The following NR2F1-AS1 variants were observed in gnomAD, a reference collection of about 807,000 sequenced individuals.
NR2F1-AS1 encodes NR2F1 regulatory antisense RNA 1.
chr5:93,462,660 A>G (rs1395528824), intron 4 of NR2F1-AS1, among the ~76,000 whole-genome samples: 1 of 152,138 alleles, frequency 6.6e-6, no homozygotes, highest in Non-Finnish European at 1.5e-5. Flanking sequence ...CTCTGACAAA[A>G]ATGCTGATAA....
chr5:93,505,013 C>T (rs900929839), intron 4 of NR2F1-AS1, among the ~76,000 whole-genome samples: 42 of 152,144 alleles, frequency 2.8e-4, no homozygotes, highest in African/African-American at 9.9e-4. Context: ...CAGGCAAGTC[C>T]CTTCCGCCTA....
At chr5:93,502,549 T>C (rs954111141) in intron 4 of NR2F1-AS1, among the ~76,000 whole-genome samples, 1 of 151,336 alleles carries the variant, frequency 6.6e-6, no homozygotes. Context: ...CCCATGTAAG[T>C]AGTGAAGTTA....
chr5:93,483,862 T>C (rs1750655822), intron 4 of NR2F1-AS1, among the ~76,000 whole-genome samples: 1 of 151,868 alleles, frequency 6.6e-6, no homozygotes, highest in Admixed American at 6.6e-5. Flanking sequence ...AGATTGAAGA[T>C]CAACTCAATG....
intron 4 of NR2F1-AS1, among the ~76,000 whole-genome samples, chr5:93,439,367 C>T (rs1289438726): frequency 6.6e-6 from 1 of 152,182 alleles, no homozygotes; most frequent in African/African-American, 2.4e-5. Flanking sequence ...GATCTCGGCT[C>T]ACTGCAGGCT....
At chr5:93,584,441 G>C (rs956779153), upstream of NR2F1-AS1, 1 of 149,152 alleles carries the variant, frequency 6.7e-6, no homozygotes, top group Non-Finnish European at 1.5e-5. Flanking sequence ...CTGTGTGTGC[G>C]AGTGTGTGTG....
intron 4 of NR2F1-AS1, among the ~76,000 whole-genome samples, chr5:93,504,437 G>A (rs1751144937): frequency 6.6e-6 from 1 of 152,074 alleles, no homozygotes; most frequent in Non-Finnish European, 1.5e-5. Context: ...AAAGAAACAG[G>A]TAACCCCTAT....
intron 4 of NR2F1-AS1, among the ~76,000 whole-genome samples, chr5:93,521,078 A>ATC (rs1388497293): frequency 1.3e-5 from 2 of 152,224 alleles, no homozygotes; most frequent in African/African-American, 4.8e-5. Flanking sequence ...ACCTATGACC[A>ATC]TCTGATATTC....
chr5:93,461,248 C>T (rs1395271716), intron 4 of NR2F1-AS1, among the ~76,000 whole-genome samples: 1 of 152,116 alleles, frequency 6.6e-6, no homozygotes, highest in Non-Finnish European at 1.5e-5. Flanking sequence ...ATCCAAATAC[C>T]ACATGTTCTC....
At chr5:93,460,471 A>G (rs754953069) in intron 4 of NR2F1-AS1, among the ~76,000 whole-genome samples, 5 of 152,322 alleles carry the variant, frequency 3.3e-5, no homozygotes, top group Admixed American at 6.5e-5. Flanking sequence ...AAACTTGTCA[A>G]TGAGAATGAT....
intron 4 of NR2F1-AS1, among the ~76,000 whole-genome samples, chr5:93,544,227 A>G (rs1752023635): frequency 6.6e-6 from 1 of 152,224 alleles, no homozygotes; most frequent in Non-Finnish European, 1.5e-5. Flanking sequence ...ATAGATCAGG[A>G]AATTAATAAA....
intron 4 of NR2F1-AS1, among the ~76,000 whole-genome samples, chr5:93,525,711 A>C (rs886383835): frequency 6.6e-6 from 1 of 152,188 alleles, no homozygotes; most frequent in Non-Finnish European, 1.5e-5. Flanking sequence ...CTCACTCAAA[A>C]CTGCACAACT....
intron 4 of NR2F1-AS1, among the ~76,000 whole-genome samples, chr5:93,463,658 G>A (rs1258350552): frequency 1.3e-5 from 2 of 152,182 alleles, no homozygotes; most frequent in Non-Finnish European, 2.9e-5. Flanking sequence ...CACAGGGGTG[G>A]AACTGCCCAA....
At chr5:93,426,588 C>G (rs1187323677) in intron 4 of NR2F1-AS1, among the ~76,000 whole-genome samples, 1 of 152,120 alleles carries the variant, frequency 6.6e-6, no homozygotes, top group African/African-American at 2.4e-5. Context: ...CTTTTTTCAT[C>G]CATACAATTA....
intron 1 of NR2F1-AS1, chr5:93,570,757 C>T (rs1373912009): frequency 2.0e-5 from 3 of 152,254 alleles, no homozygotes; most frequent in Non-Finnish European, 2.9e-5. Context: ...TACCGCGGCC[C>T]GGGCCCCTCC....
intron 1 of NR2F1-AS1, among the ~76,000 whole-genome samples, chr5:93,578,606 G>GCCACAGCGGTCCGAGTCCAAGAA (rs1349791938): frequency 1.3e-5 from 2 of 152,302 alleles, no homozygotes; most frequent in African/African-American, 4.8e-5. Context: ...TGAGGCAAGA[G>GCCACAGCGGTCCGAGTCCAAGAA]CCACAGCGGT....
At chr5:93,486,421 G>A (rs1254331981) in intron 4 of NR2F1-AS1, among the ~76,000 whole-genome samples, 1 of 151,978 alleles carries the variant, frequency 6.6e-6, no homozygotes, top group African/African-American at 2.4e-5. Flanking sequence ...TATCACCACT[G>A]ATCCCACAGA....
At chr5:93,428,576 A>C (rs1189000617) in intron 4 of NR2F1-AS1, among the ~76,000 whole-genome samples, 1 of 152,184 alleles carries the variant, frequency 6.6e-6, no homozygotes, top group Non-Finnish European at 1.5e-5. Flanking sequence ...ATCTGTTTCC[A>C]GTTTTGTATT....
chr5:93,432,253 T>G (rs758939826), intron 4 of NR2F1-AS1: 3 of 152,254 alleles, frequency 2.0e-5, no homozygotes, highest in Non-Finnish European at 2.9e-5. Flanking sequence ...CAGGAAATCA[T>G]CACTAGACCC....
intron 4 of NR2F1-AS1, among the ~76,000 whole-genome samples, chr5:93,474,200 C>A (rs1023154220): frequency 6.6e-6 from 1 of 152,006 alleles, no homozygotes; most frequent in African/African-American, 2.4e-5. Context: ...TATTACTGTA[C>A]AAGATTTGTT....
Sources: gnomAD v4.1 joint callset for allele counts (sites outside exome capture counted in the v4.1 genomes callset) on GRCh38, gnomAD v4.1.1 for gene constraint, MANE v1.5 for transcripts, NCBI Gene and HGNC (gene_info 2026-07-23, HGNC 2026-07-21) for gene names.